The following HSD11B1L variants were observed in gnomAD, a reference collection of about 807,000 sequenced individuals.
The protein encoded by HSD11B1L is hydroxysteroid 11-beta-dehydrogenase 1-like protein.
HSD11B1L carries 22 observed loss-of-function variants against 27.0 expected under a neutral mutation model. The observed-to-expected ratio is 0.81, with a 90% CI of 0.58 to 1.16. The LOEUF (loss-of-function observed/expected upper bound fraction) is 1.16. HSD11B1L is among the 50% of genes most tolerant of loss of function. The probability of loss-of-function intolerance (pLI) is 0.00; values close to 1 mark genes in which losing one functional copy is unlikely to be tolerated. For synonymous variants in HSD11B1L, 187 were observed against 189.2 expected (o/e 0.99, Z 0.09); for missense variants, 372 against 401.8 (o/e 0.93, Z 0.63).
Position 5,687,741 on chromosome 19 carries a change from T to TCCTGTC in HSD11B1L, c.669-9_669-4dup. 6.7e-7 allele frequency: 1 copy of TCCTGTC among 1,491,970 alleles called. No individual in the cohort carries two copies. Among genetic ancestry groups the TCCTGTC allele is most frequent in the Non-Finnish European group, 8.9e-7 (1 of 1,125,490 alleles). The allele number at this position is 1,491,970 out of a possible 1,614,324, so 92.4% of individuals were successfully genotyped here. A position where few individuals can be genotyped will look rare whatever the true frequency, so the allele number is the denominator to read the frequency against. Reference sequence around the variant, plus strand: ...CCCAGCCGCAGTCCCCACCGTGCCCTCCTGTCCCCAGGGGAGTCACGAGGG... The same window carrying TCCTGTC: ...CCCAGCCGCAGTCCCCACCGTGCCCTCCTGTCCCTGTCCCCAGGGGAGTCACGAGGG... On this transcript the variant is annotated splice_polypyrimidine_tract_variant and intron_variant, in intron 7 of 7. Transcript: ENST00000339423. The surrounding 1 kb of genome is among the most constrained non-coding windows in gnomAD (Gnocchi z 6.6).
chr19:5,687,286 A>C lies in HSD11B1L; in HGVS notation c.413A>C (p.Asn138Thr). The change falls in exon 6 of 8, where the codon AAC becomes ACC. Residue 138 changes from asparagine (N) to threonine (T), a missense_variant. By Grantham distance (65) the Asn-to-Thr change is moderately conservative. Transcript: ENST00000339423. The surrounding 1 kb of genome is among the most constrained non-coding windows in gnomAD (Gnocchi z 6.6). ...ACTCGCGAGTGCCGCCTGCAGGTAAACTTTGTGAGCTACGTGCAACTGACG... is the reference window on the plus strand; with the variant it reads ...ACTCGCGAGTGCCGCCTGCAGGTAACCTTTGTGAGCTACGTGCAACTGACG... ...PQATRWLMQV[N>T]FVSYVQLTSR... The C allele has an allele frequency of 6.2e-7, 1 of 1,612,430 alleles. No homozygotes were observed. Among genetic ancestry groups the C allele is most frequent in the Non-Finnish European group, 8.5e-7 (1 of 1,179,738 alleles).
chr19:5,687,160 G>A lies in HSD11B1L; in HGVS notation c.409-122G>A, dbSNP rs2145558852. 4 of 1,240,950 alleles carry A rather than the reference G, an allele frequency of 3.2e-6. No homozygotes were observed. Among genetic ancestry groups the A allele is most frequent in the African/African-American group, 3.0e-5 (2 of 67,570 alleles). 76.9% of individuals were successfully genotyped at this position (1,240,950 alleles called of 1,614,324 possible). On this transcript the variant is annotated intron_variant, in intron 5 of 7. Coordinates refer to ENST00000339423, the MANE Select transcript of HSD11B1L (RefSeq NM_198706.3). This position sits in a 1 kb window ranked among gnomAD's most constrained non-coding sequence, Gnocchi z 6.6. ...TGCTCCGGCCTTGACCCCGCCCTCGGACCCGCCTTCCGGGTTTCTGGCCCC... is the reference window on the plus strand; with the variant it reads ...TGCTCCGGCCTTGACCCCGCCCTCGAACCCGCCTTCCGGGTTTCTGGCCCC...
Position 5,687,586 on chromosome 19 carries a change from C to T in HSD11B1L, c.586C>T (p.Leu196=), listed in dbSNP as rs1373792718. Residue 196 remains leucine, a synonymous_variant, in exon 7 of 8, where the codon CTG becomes TTG. Transcript: ENST00000339423. The surrounding 1 kb of genome is among the most constrained non-coding windows in gnomAD (Gnocchi z 6.6). ...DGFFGSLRRE[L]DVQDVNVAIT... is the part of the protein sequence containing the mutation. ...CTTCTTCGGCTCCCTGCGGCGGGAG[C>T]TGGACGTGCAGGACGTGAACGTGGC... 2 of 1,598,628 alleles carry T rather than the reference C, an allele frequency of 1.3e-6. No homozygotes were observed. The highest frequency in any genetic ancestry group is 1.7e-6 in the Non-Finnish European group (2 of 1,178,890).
rs1391516800 is a variant in HSD11B1L at position 5,687,040 on chromosome 19, G to C, written c.408+49G>C. ...GGCCCGCCCCTCTATCTCAGGGACC[G>C]GTGGTCCGTTCCCTTCGCGGTCCGG... On this transcript the variant is annotated intron_variant, in intron 5 of 7. Coordinates refer to ENST00000339423, the MANE Select transcript of HSD11B1L (RefSeq NM_198706.3). This position sits in a 1 kb window ranked among gnomAD's most constrained non-coding sequence, Gnocchi z 6.6. 4 of 1,459,214 alleles carry C rather than the reference G, an allele frequency of 2.7e-6. No homozygotes were observed. In the Admixed American group the frequency reaches 8.0e-5, roughly 29 times the overall value. The allele number at this position is 1,459,214 out of a possible 1,614,324, so 90.4% of individuals were successfully genotyped here.
chr19:5,684,636 G>T, intron 1 of HSD11B1L, 183 bp from the exon 2 acceptor site: 1 of 789,680 alleles, frequency 1.3e-6, no homozygotes, highest in South Asian at 1.8e-5. Flanking sequence ...GAGGGTGCAG[G>T]TGCGGTGGTT....
In HSD11B1L at chr19:5,684,976, C is replaced by T. The variant is rs762549635; in HGVS notation, c.74-13C>T. ...TGTCCTCCGCCCAGAGTGACCACCC[C>T]GGCTATGGCCAGCCAGCCTCCAGGG... is the stretch of plus-strand genomic sequence containing the variant. On this transcript the variant is annotated splice_polypyrimidine_tract_variant and intron_variant, in intron 2 of 7. Transcript: ENST00000339423. 6.5e-5 allele frequency: 104 copies of T among 1,610,830 alleles called. No individual in the cohort carries two copies. Among genetic ancestry groups the T allele is most frequent in the South Asian group, 1.7e-4 (15 of 90,828 alleles).
Position 5,687,215 on chromosome 19 carries a change from TG to T in HSD11B1L, c.409-64del. On this transcript the variant is annotated intron_variant, in intron 5 of 7. Coordinates refer to ENST00000339423, the MANE Select transcript of HSD11B1L (RefSeq NM_198706.3). This position sits in a 1 kb window ranked among gnomAD's most constrained non-coding sequence, Gnocchi z 6.6. ...CTGACCCGGCCCTGGCCCCGCCCTC[TG>T]GGTTTCTGGCCCCGCCCTGCCCCTG... 6.5e-7 allele frequency: 1 copy of T among 1,533,406 alleles called. No individual in the cohort carries two copies. 95.0% of individuals were successfully genotyped at this position (1,533,406 alleles called of 1,614,324 possible). A position where few individuals can be genotyped will look rare whatever the true frequency, so the allele number is the denominator to read the frequency against.
Position 5,687,617 on chromosome 19 carries a change from C to G in HSD11B1L, c.617C>G (p.Thr206Ser). 1 of 1,597,554 alleles carries G rather than the reference C, an allele frequency of 6.3e-7. No homozygotes were observed. Among genetic ancestry groups the G allele is most frequent in the Non-Finnish European group, 8.5e-7 (1 of 1,177,990 alleles). ...GTGCAGGACGTGAACGTGGCCATCACCATGTGCGTCCTGGGCCTCCGAGAT... is the reference window on the plus strand; with the variant it reads ...GTGCAGGACGTGAACGTGGCCATCAGCATGTGCGTCCTGGGCCTCCGAGAT... ...LDVQDVNVAITMCVLGLRDRA... is the reference protein window; with the variant it reads ...LDVQDVNVAISMCVLGLRDRA... The change falls in exon 7 of 8, where the codon ACC (threonine) becomes AGC (serine). Residue 206 changes from threonine to serine, a missense_variant. Thr to Ser is a moderately conservative substitution (Grantham distance 58). Transcript: ENST00000339423. This position sits in a 1 kb window ranked among gnomAD's most constrained non-coding sequence, Gnocchi z 6.6.
At position 5,684,963 on chromosome 19, in the gene HSD11B1L, AG is replaced by A. The variant is rs757612409; in HGVS notation, c.74-25del. ...GGGCCAGCTGTCCTGTCCTCCGCCC[AG>A]AGTGACCACCCCGGCTATGGCCAGC... On this transcript the variant is annotated intron_variant, in intron 2 of 7. Coordinates refer to ENST00000339423, the MANE Select transcript of HSD11B1L (RefSeq NM_198706.3). 1.7e-5 allele frequency: 27 copies of A among 1,612,516 alleles called. No homozygotes were observed. The African/African-American group carries it at 3.3e-4, about 20-fold the overall frequency.
chr19:5,684,724 G>A, intron 1 of HSD11B1L, 95 bp from the exon 2 acceptor site: 2 of 1,581,458 alleles, frequency 1.3e-6, no homozygotes, highest in African/African-American at 1.4e-5. Flanking sequence ...AGGAAGGCGT[G>A]GATCCAAGGC....
intron 1 of HSD11B1L, chr19:5,684,161 G>T (rs1042046853): frequency 5.0e-6 from 2 of 397,388 alleles, no homozygotes; most frequent in African/African-American, 2.1e-5. Flanking sequence ...GATTACAGGC[G>T]CCTGCCACCG....
intron 1 of HSD11B1L, among the ~76,000 whole-genome samples, chr19:5,682,313 T>A (rs568720976): frequency 6.6e-6 from 1 of 151,488 alleles, no homozygotes. Context: ...GAAGCCAGTG[T>A]GGAGGTGGGG....
intron 1 of HSD11B1L, among the ~76,000 whole-genome samples, chr19:5,682,018 C>T (rs1030979647): frequency 3.3e-5 from 5 of 152,214 alleles, no homozygotes; most frequent in African/African-American, 1.2e-4. Flanking sequence ...AAGCTCGTTT[C>T]TTGCTGTGGG....
At chr19:5,684,038 A>G in intron 1 of HSD11B1L, 1 of 477,396 alleles carries the variant, frequency 2.1e-6, no homozygotes, top group Non-Finnish European at 3.7e-6. Flanking sequence ...GTGCAATGGC[A>G]AATCTCGGCA....
At position 5,687,080 on chromosome 19, in the gene HSD11B1L, A is replaced by G. The variant is rs1474993190; in HGVS notation, c.408+89A>G. On this transcript the variant is annotated intron_variant, in intron 5 of 7. Transcript: ENST00000339423. The surrounding 1 kb of genome is among the most constrained non-coding windows in gnomAD (Gnocchi z 6.6). ...TCGCGGTCCGGGTTCTGCCTTCTCC[A>G]GGGAGGGCTCTCCACCCGTCCCGCC... 7 of 1,265,198 alleles carry G rather than the reference A, an allele frequency of 5.5e-6. No homozygotes were observed. The highest frequency in any genetic ancestry group is 3.0e-5 in the African/African-American group (2 of 67,386). The allele number at this position is 1,265,198 out of a possible 1,614,324, so 78.4% of individuals were successfully genotyped here. A position where few individuals can be genotyped will look rare whatever the true frequency, so the allele number is the denominator to read the frequency against.
chr19:5,683,662 C>T (rs1044558725), intron 1 of HSD11B1L, among the ~76,000 whole-genome samples: 3 of 152,078 alleles, frequency 2.0e-5, no homozygotes, highest in Admixed American at 1.3e-4. Flanking sequence ...GAGGCTGAGG[C>T]GGGAGGATCA....
At position 5,687,009 on chromosome 19, in the gene HSD11B1L, G is replaced by T. The variant is rs1222470991; in HGVS notation, c.408+18G>T. On this transcript the variant is annotated intron_variant, in intron 5 of 7. Transcript: ENST00000339423. This position sits in a 1 kb window ranked among gnomAD's most constrained non-coding sequence, Gnocchi z 6.6. ...TCATGCAGGTGCTCCGCTCCTCCGC[G>T]GCCCCGGCCCGCCCCTCTATCTCAG... The T allele has an allele frequency of 2.6e-6, 4 of 1,532,064 alleles. No homozygotes were observed. In the South Asian group the frequency reaches 4.8e-5, roughly 18 times the overall value. 94.9% of individuals were successfully genotyped at this position (1,532,064 alleles called of 1,614,324 possible). A position where few individuals can be genotyped will look rare whatever the true frequency, so the allele number is the denominator to read the frequency against.
Position 5,687,149 on chromosome 19 carries a change from C to A in HSD11B1L, c.409-133C>A. The A allele has an allele frequency of 2.5e-6, 3 of 1,184,690 alleles. No individual in the cohort carries two copies. The highest frequency in any genetic ancestry group is 3.6e-6 in the Non-Finnish European group (3 of 841,196). The allele number at this position is 1,184,690 out of a possible 1,614,324, so 73.4% of individuals were successfully genotyped here. On this transcript the variant is annotated intron_variant, in intron 5 of 7. Transcript: ENST00000339423. This position sits in a 1 kb window ranked among gnomAD's most constrained non-coding sequence, Gnocchi z 6.6. ...GCCCAAGCCCCTGCTCCGGCCTTGA[C>A]CCCGCCCTCGGACCCGCCTTCCGGG...
In HSD11B1L at chr19:5,688,009, C is replaced by T; in HGVS notation, c.*64C>T. On this transcript the variant is annotated 3_prime_UTR_variant, in exon 8 of 8. Transcript: ENST00000339423. ...TCCTCCCTCCAACTGTCCCTGGAGC[C>T]AGAACACTCACAGAGACACCCCTGA... The T allele has an allele frequency of 6.4e-7, 1 of 1,551,532 alleles. No individual in the cohort carries two copies. The highest frequency in any genetic ancestry group is 8.7e-7 in the Non-Finnish European group (1 of 1,147,018).
Sources: allele counts gnomAD v4.1 joint callset (sites outside exome capture counted in the v4.1 genomes callset), GRCh38; gene constraint gnomAD v4.1.1; non-coding constraint Gnocchi (gnomAD v3.1); transcripts MANE v1.5; gene names NCBI Gene and HGNC (gene_info 2026-07-23, HGNC 2026-07-21).